Variants in TGM5 observed in about 807,000 individuals in gnomAD.
The protein encoded by TGM5 is protein-glutamine gamma-glutamyltransferase 5.
In TGM5, 69 loss-of-function variants were observed where a neutral mutation model predicts 77.2. The ratio of observed to expected loss-of-function variants is 0.89; its 90% CI spans 0.74 to 1.09. TGM5 has a LOEUF of 1.09. Among genes scored for constraint, TGM5 ranks in the 50% least tolerant of loss-of-function variants. TGM5 has a pLI of 0.00. For missense variants in TGM5, 842 were observed against 896.5 expected (o/e 0.94, Z 0.78); for synonymous variants, 346 against 351.8 (o/e 0.98, Z 0.18).
At position 43,239,196 on chromosome 15, in the gene TGM5, C is replaced by A; in HGVS notation, c.1072G>T (p.Val358Leu). Residue 358 changes from valine to leucine, a missense_variant, in exon 8 of 13, where the codon GTG becomes TTG. By Grantham distance (32) the Val-to-Leu change is conservative. Coordinates refer to ENST00000220420, the MANE Select transcript of TGM5 (RefSeq NM_201631.4). ...DLPPAYGGWQ[V>L]LDATPQEMSN... is the part of the protein sequence containing the mutation. ...ATCTCCTGAGGTGTGGCGTCCAGCA[C>A]CTGCCAGCCTCCATATGCAGGGGGC... 1 of 1,614,142 alleles carries A rather than the reference C, an allele frequency of 6.2e-7. No individual in the cohort carries two copies. The highest frequency in any genetic ancestry group is 2.2e-5 in the East Asian group (1 of 44,872).
chr15:43,264,426 T>A (rs2042811364), intron 1 of TGM5, among the ~76,000 whole-genome samples: 1 of 152,018 alleles, frequency 6.6e-6, no homozygotes, highest in African/African-American at 2.4e-5. Flanking sequence ...CAAAGGAATA[T>A]CATCCAGCTA....
intron 3 of TGM5, among the ~76,000 whole-genome samples, chr15:43,258,888 C>T (rs1386794161): frequency 6.6e-6 from 1 of 152,064 alleles, no homozygotes; most frequent in Non-Finnish European, 1.5e-5. Flanking sequence ...GAGACAGAGA[C>T]AGGGAAAACA....
chr15:43,257,184 C>G (rs2042747998), intron 3 of TGM5, among the ~76,000 whole-genome samples: 1 of 152,214 alleles, frequency 6.6e-6, no homozygotes, highest in Non-Finnish European at 1.5e-5. Flanking sequence ...GGTTTAGACA[C>G]TAAGCTGTTC....
chr15:43,261,923 C>G (rs1186822986), intron 1 of TGM5, among the ~76,000 whole-genome samples: 2 of 152,162 alleles, frequency 1.3e-5, no homozygotes, highest in African/African-American at 4.8e-5. Context: ...TCTGAGATCT[C>G]CTACAGTCTG....
At chr15:43,237,830 C>T (rs1596440771) in intron 9 of TGM5, among the ~76,000 whole-genome samples, 2 of 152,360 alleles carry the variant, frequency 1.3e-5, no homozygotes, top group African/African-American at 4.8e-5. Flanking sequence ...ACTCTTACAT[C>T]CACTTCCTTC....
intron 6 of TGM5, among the ~76,000 whole-genome samples, chr15:43,247,518 C>CAA (rs370917236): frequency 9.4e-5 from 13 of 138,208 alleles, no homozygotes; most frequent in African/African-American, 3.4e-4. Flanking sequence ...AAGCTGACCT[C>CAA]AAAAAAAAAA....
intron 6 of TGM5, among the ~76,000 whole-genome samples, chr15:43,248,853 C>G (rs187424768): frequency 6.6e-6 from 1 of 152,016 alleles, no homozygotes; most frequent in African/African-American, 2.4e-5. Context: ...TTTAAAGGCC[C>G]CTACATAATT....
At chr15:43,260,645 A>C in intron 1 of TGM5, 66 bp from the exon 2 acceptor site, 1 of 1,562,460 alleles carries the variant, frequency 6.4e-7, no homozygotes, top group Non-Finnish European at 8.8e-7. Flanking sequence ...TCCACCACTT[A>C]CTAGTTCTGC....
chr15:43,243,677 C>T (rs563566035), intron 6 of TGM5, among the ~76,000 whole-genome samples: 11 of 152,238 alleles, frequency 7.2e-5, no homozygotes, highest in Admixed American at 4.6e-4. Context: ...GAGCTCATCC[C>T]GACTATGGCT....
In TGM5 at chr15:43,239,068, C is replaced by T. The variant is rs764694680; in HGVS notation, c.1106-12G>A. The T allele has an allele frequency of 6.2e-7, 1 of 1,613,910 alleles. No homozygotes were observed. On this transcript the variant is annotated splice_polypyrimidine_tract_variant and intron_variant, in intron 8 of 12. Coordinates refer to ENST00000220420, the MANE Select transcript of TGM5 (RefSeq NM_201631.4). ...ACAGCAGTAGACGCCTGAAGGAGAA[C>T]AGGGGAGCCTCGGTGGGCTGTTTGT...
intron 9 of TGM5, among the ~76,000 whole-genome samples, 196 bp downstream of exon 9, chr15:43,238,621 G>A (rs1231092284): frequency 6.6e-6 from 1 of 152,158 alleles, no homozygotes; most frequent in East Asian, 1.9e-4. Context: ...GCGGGAGCTC[G>A]CTGGCCTGCA....
intron 12 of TGM5, 72 bp downstream of exon 12, chr15:43,233,482 C>G (rs1357733482): frequency 1.5e-5 from 25 of 1,613,198 alleles, no homozygotes; most frequent in East Asian, 4.5e-5. Context: ...GCTCAGGAAC[C>G]CATGTTCAGG....
intron 9 of TGM5, among the ~76,000 whole-genome samples, 179 bp from the exon 10 acceptor site, chr15:43,236,016 C>G (rs1405666901): frequency 6.6e-6 from 1 of 152,246 alleles, no homozygotes; most frequent in Non-Finnish European, 1.5e-5. Context: ...CCACTTCACA[C>G]CCTTCCTCCT....
chr15:43,260,546 G>C lies in TGM5; in HGVS notation c.44C>G (p.Ser15Cys), dbSNP rs61744878. Residue 15 changes from serine to cysteine, a missense_variant, in exon 2 of 13, where the codon TCC becomes TGC. Ser to Cys is a moderately radical substitution (Grantham distance 112, BLOSUM62 -1). Around this residue, in one of 2 missense-constraint regions of TGM5, gnomAD observed 815 missense variants for 844.6 expected, o/e 0.96. Coordinates refer to ENST00000220420, the MANE Select transcript of TGM5 (RefSeq NM_201631.4). ...LEVALTDLQS[S>C]RNNVRHHTEE... ...CGTGTGGTGCCGCACATTATTTCTG[G>C]AGCTCTGGAGGTCTGTGAGGGCCAC... 5.9e-3 allele frequency: 9,473 copies of C among 1,614,100 alleles called. 366 individuals are homozygous for C. In the African/African-American group the frequency reaches 0.092, roughly 16 times the overall value.
Position 43,248,339 on chromosome 15 carries a change from A to G in TGM5, c.862+4420T>C, listed in dbSNP as rs560029792. ...AGGAACCCACCACCACGCCCAGCTA[A>G]TTTTTTGTATTTTTAGTACAGATGG... On this transcript the variant is annotated intron_variant, in intron 6 of 12. Transcript: ENST00000220420. 2.6e-5 allele frequency among the ~76,000 whole-genome samples: 4 copies of G among 152,126 alleles called. 1 individual carries two copies. The East Asian group carries it at 7.7e-4, about 29-fold the overall frequency.
chr15:43,241,310 G>C (rs1278281218), intron 6 of TGM5: 1 of 419,000 alleles, frequency 2.4e-6, no homozygotes, highest in Non-Finnish European at 4.5e-6. Flanking sequence ...AAACTCAGAG[G>C]CCTGACTCAA....
At chr15:43,250,952 C>T (rs1467751169) in intron 6 of TGM5, among the ~76,000 whole-genome samples, 2 of 152,204 alleles carry the variant, frequency 1.3e-5, no homozygotes, top group African/African-American at 2.4e-5. Flanking sequence ...TCTCCATTCA[C>T]TGGCTCCACT....
chr15:43,260,670 A>G (rs1444294818), intron 1 of TGM5, 91 bp from the exon 2 acceptor site: 1 of 1,411,684 alleles, frequency 7.1e-7, no homozygotes, highest in Middle Eastern at 1.8e-4. Flanking sequence ...TTGAGAAAGT[A>G]ACTTAGCTTG....
rs745839368 is a variant in TGM5 at position 43,260,581 on chromosome 15, T to C, written c.11-2A>G. On this transcript the variant is annotated splice_acceptor_variant, in intron 1 of 12. Transcript: ENST00000220420. LOFTEE classifies it high-confidence loss of function. ...GGTCTGTGAGGGCCACTTCTAGCCC[T>C]GCAATGGGGCAGCCAGGGTTAGACA... 6.2e-7 allele frequency: 1 copy of C among 1,614,092 alleles called. No individual in the cohort carries two copies. Among genetic ancestry groups the C allele is most frequent in the Non-Finnish European group, 8.5e-7 (1 of 1,179,966 alleles).
Sources: gnomAD v4.1 joint callset for allele counts (sites outside exome capture counted in the v4.1 genomes callset) on GRCh38, gnomAD v4.1.1 for gene constraint, gnomAD v4.1.1 regional missense constraint, MANE v1.5 for transcripts, NCBI Gene and HGNC (gene_info 2026-07-23, HGNC 2026-07-21) for gene names.